FCHO2: variants seen among roughly 807,000 people sequenced by gnomAD.
The protein encoded by FCHO2 is FCH and mu domain containing endocytic adaptor 2.
FCHO2 carries 43 observed loss-of-function variants against 114.1 expected under a neutral mutation model. The observed-to-expected ratio is 0.38, with a 90% CI of 0.30 to 0.49. FCHO2 has a LOEUF of 0.49. Among genes scored for constraint, FCHO2 ranks in the 20% least tolerant of loss-of-function variants. FCHO2 has a pLI of 0.97. For missense variants in FCHO2, 807 were observed against 950.4 expected (o/e 0.85, Z 1.98); for synonymous variants, 293 against 315.2 (o/e 0.93, Z 0.75).
In FCHO2 at chr5:73,006,427, T is replaced by TA; in HGVS notation, c.496-17dup. The TA allele has an allele frequency of 7.0e-7, 1 of 1,430,552 alleles. No homozygotes were observed. Among genetic ancestry groups the TA allele is most frequent in the Non-Finnish European group, 9.2e-7 (1 of 1,086,036 alleles). 88.6% of individuals were successfully genotyped at this position (1,430,552 alleles called of 1,614,324 possible). A position where few individuals can be genotyped will look rare whatever the true frequency, so the allele number is the denominator to read the frequency against. On this transcript the variant is annotated splice_polypyrimidine_tract_variant and intron_variant, in intron 5 of 25. Transcript: ENST00000430046. Reference sequence around the variant, plus strand: ...GGTCAATGCACAGTTAAAAGTTTTTTATTTTATTTTATTACAGGCAGCTGT... The same window carrying TA: ...GGTCAATGCACAGTTAAAAGTTTTTTAATTTTATTTTATTACAGGCAGCTGT...
intron 2 of FCHO2, among the ~76,000 whole-genome samples, chr5:72,987,407 G>A (rs969221783): frequency 2.6e-5 from 4 of 152,042 alleles, no homozygotes; most frequent in Non-Finnish European, 5.9e-5. Context: ...GCATGATCTT[G>A]GCTCACTGCA....
rs372353939 is a variant in FCHO2 at position 73,070,640 on chromosome 5, A to G, written c.1579+1861A>G. On this transcript the variant is annotated intron_variant, in intron 19 of 25. Coordinates refer to ENST00000430046, the MANE Select transcript of FCHO2 (RefSeq NM_138782.3). ...GTTTGTGATGGAAACTTTAATTTCT[A>G]TTGAATTGGTACATATTAGTTTATG... Among the ~76,000 whole-genome samples, 89 of 145,372 alleles carry G rather than the reference A, an allele frequency of 6.1e-4. 1 individual carries two copies. In the South Asian group the frequency reaches 0.017, roughly 29 times the overall value.
At chr5:72,992,569 G>C (rs890501352) in intron 5 of FCHO2, among the ~76,000 whole-genome samples, 1 of 152,068 alleles carries the variant, frequency 6.6e-6, no homozygotes, top group Non-Finnish European at 1.5e-5. Context: ...GAGGTACAAA[G>C]AGCCTGGCTC....
chr5:73,057,376 G>A (rs1757645884), intron 16 of FCHO2, among the ~76,000 whole-genome samples: 1 of 152,094 alleles, frequency 6.6e-6, no homozygotes, highest in Non-Finnish European at 1.5e-5. Flanking sequence ...TTTTAAAACT[G>A]TTTTTAGGAG....
At chr5:73,053,091 A>G (rs577094118) in intron 13 of FCHO2, among the ~76,000 whole-genome samples, 82 of 152,308 alleles carry the variant, frequency 5.4e-4, no homozygotes, top group African/African-American at 2.0e-3. Context: ...ATGTTACACT[A>G]TGTGAAAAAA....
At chr5:73,019,613 GA>G (rs1367528769) in intron 8 of FCHO2, among the ~76,000 whole-genome samples, 1 of 152,174 alleles carries the variant, frequency 6.6e-6, no homozygotes, top group Non-Finnish European at 1.5e-5. Flanking sequence ...TTTGGACTGG[GA>G]TAAGTTAACG....
In FCHO2 at chr5:73,081,929, G is replaced by A. The variant is rs773550111; in HGVS notation, c.2127G>A (p.Val709=). Residue 709 remains valine (V), a synonymous_variant, in exon 23 of 26, where the codon GTG becomes GTA. Coordinates refer to ENST00000430046, the MANE Select transcript of FCHO2 (RefSeq NM_138782.3). ...APSVLSNIQV[V]VPVDGGVTNM... ...GTGTGCTTTCCAACATACAGGTGGT[G>A]GTACCAGTGGATGGAGGAGTAACGA... 7.5e-6 allele frequency: 12 copies of A among 1,608,306 alleles called. No individual in the cohort carries two copies. The highest frequency in any genetic ancestry group is 1.0e-5 in the Non-Finnish European group (12 of 1,176,894).
intron 8 of FCHO2, among the ~76,000 whole-genome samples, chr5:73,033,360 A>T (rs1166830063): frequency 6.6e-6 from 1 of 152,154 alleles, no homozygotes; most frequent in Admixed American, 6.5e-5. Context: ...AATGGAAACT[A>T]GAACCACACA....
intron 15 of FCHO2, 25 bp downstream of exon 15, chr5:73,054,574 A>G: frequency 6.6e-7 from 1 of 1,505,442 alleles, no homozygotes; most frequent in Non-Finnish European, 9.0e-7. Flanking sequence ...TGAATTGTTT[A>G]TTTTATGTCT....
intron 1 of FCHO2, among the ~76,000 whole-genome samples, chr5:72,965,653 C>T (rs576983473): frequency 5.3e-5 from 8 of 152,210 alleles, no homozygotes; most frequent in African/African-American, 1.4e-4. Context: ...CTCATCAAAG[C>T]GTATCTGTAG....
At chr5:72,999,623 T>TA (rs111425670) in intron 5 of FCHO2, among the ~76,000 whole-genome samples, 2,538 of 152,222 alleles carry the variant, frequency 0.017, 71 homozygotes, top group African/African-American at 0.053. Context: ...CCTCAGGTGA[T>TA]ATGCCCGTCT....
At chr5:73,082,933 A>G in intron 24 of FCHO2, 108 bp downstream of exon 24, 2 of 903,162 alleles carry the variant, frequency 2.2e-6, no homozygotes, top group Non-Finnish European at 3.3e-6. Flanking sequence ...GAGTGCAGTA[A>G]CACAATCTCA....
chr5:73,087,466 T>TTACTGTGCACATC (rs1383085947), intron 24 of FCHO2, 123 bp from the exon 25 acceptor site: 1 of 1,066,726 alleles, frequency 9.4e-7, no homozygotes, highest in Non-Finnish European at 1.3e-6. Context: ...AATAGTTTGT[T>TTACTGTGCACATC]TACTGTGCAC....
chr5:72,959,892 A>T (rs545900169), intron 1 of FCHO2, among the ~76,000 whole-genome samples: 76 of 150,054 alleles, frequency 5.1e-4, no homozygotes, highest in African/African-American at 1.8e-3. Context: ...TGATCCTCCC[A>T]CCTCAGCCTT....
chr5:73,067,025 C>T (rs1412981939), intron 18 of FCHO2, among the ~76,000 whole-genome samples: 3 of 151,940 alleles, frequency 2.0e-5, no homozygotes, highest in Non-Finnish European at 4.4e-5. Flanking sequence ...TATTTTAACA[C>T]ATTCAATATG....
At position 73,074,739 on chromosome 5, in the gene FCHO2, T is replaced by G; in HGVS notation, c.1580-3T>G. ...TTTAACAAGTTAATTGTGTATATTC[T>G]AGGTGTGTCACGGGGTCCCAGCCCT... On this transcript the variant is annotated splice_polypyrimidine_tract_variant and splice_region_variant and intron_variant, in intron 19 of 25. Transcript: ENST00000430046. The G allele has an allele frequency of 6.2e-7, 1 of 1,610,274 alleles. No individual in the cohort carries two copies. Among genetic ancestry groups the G allele is most frequent in the Non-Finnish European group, 8.5e-7 (1 of 1,177,900 alleles).
intron 10 of FCHO2, among the ~76,000 whole-genome samples, chr5:73,039,693 C>T (rs371408867): frequency 3.3e-5 from 5 of 149,944 alleles, no homozygotes; most frequent in Admixed American, 6.6e-5. Flanking sequence ...TTTGGGAGGC[C>T]GAGGAGGGTG....
intron 2 of FCHO2, among the ~76,000 whole-genome samples, chr5:72,971,115 G>A (rs916443113): frequency 3.9e-5 from 6 of 152,068 alleles, no homozygotes; most frequent in Non-Finnish European, 7.4e-5. Context: ...GGACATTTGG[G>A]TTGGTTCCAA....
intron 9 of FCHO2, among the ~76,000 whole-genome samples, chr5:73,036,574 C>T (rs1251140117): frequency 6.6e-6 from 1 of 151,972 alleles, no homozygotes; most frequent in Admixed American, 6.6e-5. Context: ...CAGGGTTTCA[C>T]CATGTTGCCT....
Sources: allele counts gnomAD v4.1 joint callset (sites outside exome capture counted in the v4.1 genomes callset), GRCh38; gene constraint gnomAD v4.1.1; transcripts MANE v1.5; gene names NCBI Gene and HGNC (gene_info 2026-07-23, HGNC 2026-07-21).